Variants in ATP11B observed in about 807,000 individuals in gnomAD.
ATP11B encodes phospholipid-transporting ATPase IF.
ATP11B carries 81 observed loss-of-function variants against 157.8 expected under a neutral mutation model. The ratio of observed to expected loss-of-function variants is 0.51; its 90% CI spans 0.43 to 0.62. The LOEUF is 0.62. Among genes scored for constraint, ATP11B ranks in the 20% least tolerant of loss-of-function variants. ATP11B has a pLI of 0.00. For missense variants in ATP11B, 1,165 were observed against 1,402.2 expected, an observed-to-expected ratio of 0.83 and a Z score of 2.70; for synonymous variants, 451 against 469.4, an observed-to-expected ratio of 0.96 and a Z score of 0.51.
intron 23 of ATP11B, among the ~76,000 whole-genome samples, chr3:182,886,832 T>C (rs1722824445): frequency 6.6e-6 from 1 of 152,166 alleles, no homozygotes; most frequent in South Asian, 2.1e-4. Context: ...CTATTCTTAA[T>C]TGCTGTTTTA....
chr3:182,917,823 C>G (rs1226605411), intron 29 of ATP11B, 200 bp from the exon 30 acceptor site: 1 of 982,466 alleles, frequency 1.0e-6, no homozygotes, highest in African/African-American at 1.8e-5. Flanking sequence ...TATATGATGA[C>G]TAGAGCATTA....
At chr3:182,899,302 G>A (rs182173011) in intron 28 of ATP11B, among the ~76,000 whole-genome samples, 3 of 151,760 alleles carry the variant, frequency 2.0e-5, no homozygotes, top group African/African-American at 4.8e-5. Context: ...ACAGGCACCT[G>A]CCTCCACACC....
intron 10 of ATP11B, among the ~76,000 whole-genome samples, chr3:182,850,136 A>G (rs758349802): frequency 3.3e-5 from 5 of 152,342 alleles, no homozygotes; most frequent in South Asian, 4.1e-4. Flanking sequence ...GGATAGCTAC[A>G]TGCAGAAGAA....
chr3:182,806,346 T>C (rs1265191520), intron 1 of ATP11B, among the ~76,000 whole-genome samples: 2 of 152,340 alleles, frequency 1.3e-5, no homozygotes, highest in East Asian at 3.9e-4. Flanking sequence ...TGTTTTTTCA[T>C]ATTGTTTTTC....
At chr3:182,794,017 C>A (rs1398504079) in intron 1 of ATP11B, among the ~76,000 whole-genome samples, 1 of 152,042 alleles carries the variant, frequency 6.6e-6, no homozygotes, top group East Asian at 1.9e-4. Flanking sequence ...CGGCCGGAGG[C>A]GGCCGCTTCT....
chr3:182,857,210 A>G (rs1442595897), intron 10 of ATP11B, among the ~76,000 whole-genome samples: 1 of 152,138 alleles, frequency 6.6e-6, no homozygotes, highest in Non-Finnish European at 1.5e-5. Flanking sequence ...CAGTGGCACG[A>G]TCTCGCCTCA....
intron 25 of ATP11B, among the ~76,000 whole-genome samples, chr3:182,894,170 C>G (rs771479592): frequency 5.3e-5 from 8 of 152,102 alleles, no homozygotes; most frequent in Non-Finnish European, 1.0e-4. Flanking sequence ...AGTGCAGAAG[C>G]TTTTTGGTTA....
At chr3:182,872,585 T>G in intron 18 of ATP11B, 48 bp downstream of exon 18, 1 of 1,444,720 alleles carries the variant, frequency 6.9e-7, no homozygotes, top group South Asian at 1.4e-5. Context: ...CATAGGAATT[T>G]TTGTAACCAA....
chr3:182,846,308 A>C (rs1400853870), intron 9 of ATP11B, among the ~76,000 whole-genome samples: 21 of 152,110 alleles, frequency 1.4e-4, no homozygotes, highest in Non-Finnish European at 1.5e-5. Context: ...GAAAAAAAAA[A>C]AAACACAAAA....
rs2108558013 is a variant in ATP11B, at chr3:182,879,478, A to G, written c.2253-18A>G. 1.3e-6 allele frequency: 2 copies of G among 1,584,844 alleles called. No homozygotes were observed. The highest frequency in any genetic ancestry group is 1.7e-6 in the Non-Finnish European group (2 of 1,168,876). On this transcript the variant is annotated intron_variant, in intron 19 of 29. Coordinates refer to ENST00000323116, the MANE Select transcript of ATP11B (RefSeq NM_014616.3). ...CTTCAAAGTATCTTACAGAGAATAT[A>G]ATTATTTTCTCTTTTAGAATTACAG...
At chr3:182,848,176 A>G (rs1036879979) in intron 9 of ATP11B, among the ~76,000 whole-genome samples, 1 of 152,138 alleles carries the variant, frequency 6.6e-6, no homozygotes, top group Non-Finnish European at 1.5e-5. Flanking sequence ...TGACACTTTT[A>G]TCTTTCCAGA....
At chr3:182,880,189 T>G (rs1353612311) in intron 20 of ATP11B, among the ~76,000 whole-genome samples, 1 of 152,220 alleles carries the variant, frequency 6.6e-6, no homozygotes, top group African/African-American at 2.4e-5. Context: ...AATTCTAAAT[T>G]TGGAATTTGA....
chr3:182,863,918 T>A (rs1054626866), intron 12 of ATP11B, among the ~76,000 whole-genome samples: 1 of 152,072 alleles, frequency 6.6e-6, no homozygotes, highest in East Asian at 1.9e-4. Flanking sequence ...GGGCTTTTTT[T>A]AATTAACTTG....
At position 182,859,178 on chromosome 3, in the gene ATP11B, C is replaced by G; in HGVS notation, c.1019C>G (p.Ser340Ter). 1.2e-6 allele frequency: 2 copies of G among 1,603,658 alleles called. No individual in the cohort carries two copies. The highest frequency in any genetic ancestry group is 8.5e-7 in the Non-Finnish European group (1 of 1,174,610). ...RNSSKILRFI[S>*]DFLAFLVLYN... Reference sequence around the variant, plus strand: ...TTTTTCTAGATTCTGAGATTTATTTCAGACTTCCTTGCTTTTTTGGTTCTC... The same window carrying G: ...TTTTTCTAGATTCTGAGATTTATTTGAGACTTCCTTGCTTTTTTGGTTCTC... The change falls in exon 12 of 30, where the codon TCA becomes TGA. Residue 340 changes from serine (S) to a stop codon, truncating the protein, a stop_gained. Coordinates refer to ENST00000323116, the MANE Select transcript of ATP11B (RefSeq NM_014616.3). LOFTEE classifies it high-confidence loss of function.
At chr3:182,866,931 A>T (rs572455420) in intron 14 of ATP11B, among the ~76,000 whole-genome samples, 1,259 of 80,036 alleles carry the variant, frequency 0.016, 13 homozygotes, top group African/African-American at 0.029. Flanking sequence ...ATATATATAT[A>T]TTTTTTTTTC....
chr3:182,793,827 G>T, intron 1 of ATP11B, 41 bp downstream of exon 1: 1 of 1,265,272 alleles, frequency 7.9e-7, no homozygotes, highest in Non-Finnish European at 1.0e-6. Flanking sequence ...GTCCGCCCCC[G>T]CGGGGCCTCT....
chr3:182,906,789 AAAG>A (rs1178977954), intron 28 of ATP11B, among the ~76,000 whole-genome samples: 117 of 110,984 alleles, frequency 1.1e-3, no homozygotes, highest in African/African-American at 3.9e-3. Context: ...AAAAAAAAAA[AAAG>A]AAGAAGAAGA....
chr3:182,846,615 C>T (rs992405381), intron 9 of ATP11B, among the ~76,000 whole-genome samples: 1 of 152,088 alleles, frequency 6.6e-6, no homozygotes, highest in African/African-American at 2.4e-5. Context: ...TATGGTATAT[C>T]CATATAATGG....
intron 25 of ATP11B, among the ~76,000 whole-genome samples, chr3:182,892,251 T>G (rs1324848366): frequency 6.6e-6 from 1 of 152,178 alleles, no homozygotes; most frequent in East Asian, 1.9e-4. Context: ...ACAGACGCCT[T>G]TCCTGTTGGT....
Sources: allele counts gnomAD v4.1 joint callset (sites outside exome capture counted in the v4.1 genomes callset), GRCh38; gene constraint gnomAD v4.1.1; transcripts MANE v1.5; gene names NCBI Gene and HGNC (gene_info 2026-07-23, HGNC 2026-07-21).